NRG1: variants seen among roughly 807,000 people sequenced by gnomAD.
NRG1 encodes the protein neuregulin 1.
Under a neutral mutation model 63.8 loss-of-function variants are expected in NRG1, and 18 were observed. The observed-to-expected ratio is 0.28, with a 90% CI of 0.19 to 0.42. The LOEUF is 0.42. NRG1 is among the 10% of genes least tolerant of loss of function. The probability of loss-of-function intolerance (pLI) is 1.00; values close to 1 mark genes in which losing one functional copy is unlikely to be tolerated. For synonymous variants in NRG1, 302 were observed against 301.3 expected (o/e 1.00, Z -0.02); for missense variants, 762 against 814.7 (o/e 0.94, Z 0.79).
intron 1 of NRG1, among the ~76,000 whole-genome samples, chr8:32,372,596 G>A (rs1809049860): frequency 6.6e-6 from 1 of 152,128 alleles, no homozygotes; most frequent in Non-Finnish European, 1.5e-5. Context: ...AGGAAGGGAT[G>A]ATGAAGGCAA....
chr8:32,161,628 C>G (rs1414268646), intron 1 of NRG1, among the ~76,000 whole-genome samples: 2 of 151,820 alleles, frequency 1.3e-5, no homozygotes, highest in African/African-American at 4.8e-5. Flanking sequence ...TAACAACCCT[C>G]CCAATCTCAG....
At chr8:32,598,490 A>C (rs943794375) in intron 2 of NRG1, among the ~76,000 whole-genome samples, 1 of 152,122 alleles carries the variant, frequency 6.6e-6, no homozygotes, top group Non-Finnish European at 1.5e-5. Context: ...TCAGAAAAGC[A>C]TTTTCATATT....
At chr8:32,548,239 C>T (rs1449064712), upstream of NRG1, 2 of 985,248 alleles carry the variant, frequency 2.0e-6, no homozygotes, top group East Asian at 2.3e-4. Context: ...AAGGAGGCGC[C>T]TGCCTCCAAC....
At chr8:31,736,742 A>G (rs1480421148) in intron 1 of NRG1, among the ~76,000 whole-genome samples, 1 of 152,142 alleles carries the variant, frequency 6.6e-6, no homozygotes, top group Admixed American at 6.6e-5. Context: ...AAGTAAACAC[A>G]ATTCCACTGA....
intron 1 of NRG1, among the ~76,000 whole-genome samples, chr8:32,175,246 A>G (rs561119605): frequency 2.0e-5 from 3 of 152,132 alleles, no homozygotes; most frequent in African/African-American, 7.2e-5. Flanking sequence ...TACTATCTCA[A>G]TAGATGCAGA....
intron 1 of NRG1, among the ~76,000 whole-genome samples, chr8:31,876,909 A>C (rs764507441): frequency 7.2e-5 from 11 of 152,210 alleles, no homozygotes; most frequent in Non-Finnish European, 1.5e-4. Context: ...AAGTGTGTGC[A>C]TACTTTCTTA....
chr8:32,165,496 A>G, intron 1 of NRG1, among the ~76,000 whole-genome samples: 1 of 152,202 alleles, frequency 6.6e-6, no homozygotes, highest in Admixed American at 6.5e-5. Flanking sequence ...TGAGTATAAT[A>G]AACAAAAGAA....
chr8:32,470,140 T>C (rs1366377208), intron 1 of NRG1, among the ~76,000 whole-genome samples: 3 of 150,370 alleles, frequency 2.0e-5, no homozygotes, highest in African/African-American at 4.9e-5. Context: ...CCCGAAGTGC[T>C]GGGATTACAG....
rs1453810993 is a variant in NRG1, at chr8:32,713,568, T to C, written c.503-14381T>C. ...TTTCTCCCATACATCCACCATCAGA[T>C]TTTTTTTTGTTTACTTTCTCTCTGA... On this transcript the variant is annotated intron_variant, in intron 5 of 11. Coordinates refer to ENST00000356819, the Ensembl canonical transcript of NRG1. Among the ~76,000 whole-genome samples, 3 of 150,534 alleles carry C rather than the reference T, an allele frequency of 2.0e-5. No homozygotes were observed. In the East Asian group the frequency reaches 5.8e-4, roughly 29 times the overall value.
At chr8:32,196,952 T>TTTTTTTTTTTTTTTTTTA (rs1843018572) in intron 1 of NRG1, among the ~76,000 whole-genome samples, 1 of 75,356 alleles carries the variant, frequency 1.3e-5, no homozygotes, top group Admixed American at 1.4e-4. Context: ...TCTTTTTTTT[T>TTTTTTTTTTTTTTTTTTA]TTTTTTTTTT....
At chr8:32,624,033 A>G (rs1023767452) in intron 5 of NRG1, among the ~76,000 whole-genome samples, 3 of 152,320 alleles carry the variant, frequency 2.0e-5, no homozygotes, top group South Asian at 2.1e-4. Flanking sequence ...TACATTTTAT[A>G]AGGCATATTT....
At chr8:32,238,073 G>A (rs34520050) in intron 1 of NRG1, among the ~76,000 whole-genome samples, 63,633 of 151,986 alleles carry the variant, frequency 0.42, 13,943 homozygotes, top group Admixed American at 0.48. Context: ...AAGCTTTCTT[G>A]TCAGTTTTGC....
chr8:32,583,231 C>A (rs987517501), intron 1 of NRG1, among the ~76,000 whole-genome samples: 23 of 151,986 alleles, frequency 1.5e-4, no homozygotes, highest in Non-Finnish European at 3.1e-4. Flanking sequence ...ATGCAAAATG[C>A]TTTTATTGCT....
intron 1 of NRG1, among the ~76,000 whole-genome samples, chr8:32,565,778 G>A (rs991908756): frequency 3.3e-5 from 5 of 152,144 alleles, no homozygotes; most frequent in African/African-American, 1.2e-4. Context: ...GGTAATTTCA[G>A]TTTGTGTTGG....
At chr8:32,510,690 G>T (rs1341715332) in intron 1 of NRG1, among the ~76,000 whole-genome samples, 1 of 152,006 alleles carries the variant, frequency 6.6e-6, no homozygotes. Flanking sequence ...CTAAAACAAA[G>T]GGCTCAGCCA....
intron 1 of NRG1, among the ~76,000 whole-genome samples, chr8:32,593,819 T>C (rs1451907558): frequency 1.6e-5 from 2 of 128,494 alleles, no homozygotes; most frequent in African/African-American, 2.9e-5. Flanking sequence ...AAGACTTCTA[T>C]GAAAGCTCTT....
intron 5 of NRG1, among the ~76,000 whole-genome samples, chr8:32,630,238 C>T (rs1850029459): frequency 6.6e-6 from 1 of 152,106 alleles, no homozygotes; most frequent in Admixed American, 6.5e-5. Flanking sequence ...GGTCCTTTTT[C>T]CCTAATGAGA....
intron 1 of NRG1, among the ~76,000 whole-genome samples, chr8:32,246,250 G>T (rs1386436): frequency 0.69 from 105,649 of 152,070 alleles, 37,270 homozygotes; most frequent in African/African-American, 0.79. Flanking sequence ...AAAATAGAAA[G>T]AAGTTTCCTA....
intron 1 of NRG1, among the ~76,000 whole-genome samples, chr8:31,793,123 T>A (rs560686107): frequency 3.3e-5 from 5 of 152,302 alleles, no homozygotes; most frequent in African/African-American, 1.2e-4. Context: ...AGCTATGTTA[T>A]AATAAGGCCC....
Sources: gnomAD v4.1 joint callset for allele counts (sites outside exome capture counted in the v4.1 genomes callset) on GRCh38, gnomAD v4.1.1 for gene constraint, MANE v1.5 for transcripts, NCBI Gene and HGNC (gene_info 2026-07-23, HGNC 2026-07-21) for gene names.